The following TRIT1 variants were observed in gnomAD, a reference collection of about 807,000 sequenced individuals.
TRIT1 encodes tRNA isopentenyltransferase 1.
In TRIT1, 43 loss-of-function variants were observed where a neutral mutation model predicts 51.2. The ratio of observed to expected loss-of-function variants is 0.84; its 90% confidence interval spans 0.66 to 1.08. TRIT1 has a LOEUF of 1.08. TRIT1 is among the 50% of genes least tolerant of loss of function. The pLI, the probability that TRIT1 is intolerant of heterozygous loss-of-function variation, is 0.00. For missense variants in TRIT1, 528 were observed against 578.4 expected (o/e 0.91, Z 0.89); for synonymous variants, 184 against 203.9 (o/e 0.90, Z 0.83).
intron 1 of TRIT1, among the ~76,000 whole-genome samples, chr1:39,874,633 AT>A (rs1643987764): frequency 6.6e-6 from 1 of 151,698 alleles, no homozygotes; most frequent in African/African-American, 2.4e-5. Flanking sequence ...TTTCAGTATT[AT>A]TGGATTTTTT....
chr1:39,844,626 C>A lies in TRIT1; in HGVS notation c.1021G>T (p.Val341Phe). The A allele has an allele frequency of 6.2e-7, 1 of 1,613,176 alleles. No individual in the cohort carries two copies. The highest frequency in any genetic ancestry group is 1.1e-5 in the South Asian group (1 of 91,056). ...ACCTCTAAGCCATAGACAGGGGGGA[C>A]AATGGGACCAGGTCCTAATGATGAC... ...NRFLSRPGPI[V>F]PPVYGLEVSD... is the part of the protein sequence containing the mutation. Residue 341 changes from valine to phenylalanine, a missense_variant, in exon 9 of 11, where the codon GTC becomes TTC. Coordinates refer to ENST00000316891, the MANE Select transcript of TRIT1 (RefSeq NM_017646.6).
chr1:39,852,494 T>C (rs1470922300), intron 4 of TRIT1: 3 of 489,500 alleles, frequency 6.1e-6, no homozygotes, highest in Non-Finnish European at 1.1e-5. Flanking sequence ...ATATAGGCCC[T>C]AGGGGAAAAC....
At chr1:39,869,952 C>A (rs1187205842) in intron 1 of TRIT1, among the ~76,000 whole-genome samples, 6 of 151,938 alleles carry the variant, frequency 3.9e-5, no homozygotes, top group Admixed American at 3.9e-4. Context: ...CTCTGCCTGG[C>A]TGCCCCGTCT....
chr1:39,847,294 A>G lies in TRIT1; in HGVS notation c.932T>C (p.Ile311Thr), dbSNP rs1232585386. The G allele has an allele frequency of 1.9e-6, 3 of 1,613,462 alleles. No individual in the cohort carries two copies. The highest frequency in any genetic ancestry group is 2.7e-5 in the African/African-American group (2 of 74,906). Residue 311 changes from isoleucine (I) to threonine (T), a missense_variant, in exon 8 of 11, where the codon ATT (isoleucine) becomes ACT (threonine). By Grantham distance (89) the Ile-to-Thr change is moderately conservative (BLOSUM62 -1). Transcript: ENST00000316891. The stretch of plus-strand genomic sequence containing the variant: ...CTTAGTTACTTGTTTCAGAGCCTCA[A>G]TACCTGAAAGATACAGTAGATTTAA... ...ETSNQLLKKG[I>T]EALKQVTKRY...
rs1031010104 is a variant in TRIT1 at position 39,844,559 on chromosome 1, G to C, written c.1088C>G (p.Ala363Gly). The change falls in exon 9 of 11, where the codon GCT becomes GGT. Residue 363 changes from alanine to glycine, a missense_variant. This residue lies in a region of TRIT1 where 468 missense variants were observed against 522.6 expected (regional missense o/e 0.90). Coordinates refer to ENST00000316891, the MANE Select transcript of TRIT1 (RefSeq NM_017646.6). ...GATGAAACTTTGCACGATTTCAAGA[G>C]CAGGTTCAAGAACAGACTCTTCCCA... ...SKWEESVLEP[A>G]LEIVQSFIQG... The C allele has an allele frequency of 6.2e-7, 1 of 1,613,766 alleles. No homozygotes were observed. The highest frequency in any genetic ancestry group is 1.3e-5 in the African/African-American group (1 of 74,918).
intron 4 of TRIT1, 99 bp downstream of exon 4, chr1:39,852,632 C>T (rs973000558): frequency 2.1e-6 from 3 of 1,436,526 alleles, no homozygotes; most frequent in Admixed American, 2.1e-5. Flanking sequence ...TCTCCACTAA[C>T]TGCTATTACC....
rs768002357 is a variant in TRIT1, at chr1:39,841,909, G to A, written c.1239C>T (p.His413=). Residue 413 remains histidine (H), a synonymous_variant, in exon 11 of 11, where the codon CAC becomes CAT. Coordinates refer to ENST00000316891, the MANE Select transcript of TRIT1 (RefSeq NM_017646.6). ...IIIGDREWAA[H]IKSKSHLNQL... The stretch of plus-strand genomic sequence containing the variant: ...GGTTCAAGTGGGATTTGGATTTTAT[G>A]TGCGCTGATAAGACAAAATCAAACC... The A allele has an allele frequency of 6.2e-7, 1 of 1,611,532 alleles. No homozygotes were observed. Among genetic ancestry groups the A allele is most frequent in the Non-Finnish European group, 8.5e-7 (1 of 1,179,212 alleles).
chr1:39,881,436 T>G (rs1644263530), intron 1 of TRIT1: 1 of 152,244 alleles, frequency 6.6e-6, no homozygotes, highest in South Asian at 2.1e-4. Flanking sequence ...CCTTACACAC[T>G]GCCTTCATCA....
intron 1 of TRIT1, among the ~76,000 whole-genome samples, chr1:39,874,350 CA>C (rs1404581801): frequency 2.0e-5 from 3 of 152,100 alleles, no homozygotes; most frequent in Non-Finnish European, 4.4e-5. Context: ...TTATTAGAAC[CA>C]AAAATGTCTC....
chr1:39,847,948 A>G (rs765554362), intron 6 of TRIT1, 38 bp downstream of exon 6: 8 of 1,575,700 alleles, frequency 5.1e-6, no homozygotes, highest in Non-Finnish European at 7.0e-6. Context: ...TGTCTGCAAA[A>G]TATGGACAGT....
Position 39,852,152 on chromosome 1 carries a change from T to C in TRIT1, c.560+579A>G, listed in dbSNP as rs115505723. On this transcript the variant is annotated intron_variant, in intron 4 of 10. Coordinates refer to ENST00000316891, the MANE Select transcript of TRIT1 (RefSeq NM_017646.6). ...ATAGAACAGGTCCTTCATTAGATGT[T>C]CTACTATGCTGGAAGTGGTATCACT... Among the ~76,000 whole-genome samples, 429 of 152,246 alleles carry C rather than the reference T, an allele frequency of 2.8e-3. 1 individual carries two copies. The highest frequency in any genetic ancestry group is 0.01 in the African/African-American group (417 of 41,536).
At chr1:39,871,426 A>G (rs1643880682) in intron 1 of TRIT1, among the ~76,000 whole-genome samples, 1 of 152,262 alleles carries the variant, frequency 6.6e-6, no homozygotes, top group East Asian at 1.9e-4. Flanking sequence ...CAAAAAATAC[A>G]AAAATGAGCC....
At chr1:39,849,644 C>T (rs1642443283) in intron 5 of TRIT1, among the ~76,000 whole-genome samples, 1 of 152,222 alleles carries the variant, frequency 6.6e-6, no homozygotes, top group African/African-American at 2.4e-5. Flanking sequence ...ACACAGAATA[C>T]CCAGCACTTC....
chr1:39,869,330 C>G (rs1318764282), intron 1 of TRIT1, among the ~76,000 whole-genome samples: 1 of 152,226 alleles, frequency 6.6e-6, no homozygotes, highest in Non-Finnish European at 1.5e-5. Flanking sequence ...GTCTCCAGCT[C>G]CTAACCGCGA....
chr1:39,838,879 G>A lies in TRIT1; in HGVS notation c.*2865C>T, dbSNP rs1652473286. 6.8e-6 allele frequency among the ~76,000 whole-genome samples: 1 copy of A among 146,076 alleles called. No individual in the cohort carries two copies. Among genetic ancestry groups the A allele is most frequent in the South Asian group, 2.2e-4 (1 of 4,548 alleles). ...CCTCTTTGGAACTAAAGAGAGCTAA[G>A]AGAGGACAAAAAATTACTGAGAGTT... On this transcript the variant is annotated 3_prime_UTR_variant, in exon 11 of 11. Transcript: ENST00000316891.
chr1:39,850,027 G>C lies in TRIT1; in HGVS notation c.703+92C>G, dbSNP rs570662201. On this transcript the variant is annotated intron_variant, in intron 5 of 10. Transcript: ENST00000316891. ...CTAATACTTGTTTAGTGTTTATTAT[G>C]AGCCACCCATGGTTCTCAGCATTTT... 1.0e-3 allele frequency: 1,389 copies of C among 1,376,844 alleles called. 5 individuals carry two copies. Among genetic ancestry groups the C allele is most frequent in the Non-Finnish European group, 5.2e-4 (513 of 994,732 alleles). 85.3% of individuals were successfully genotyped at this position (1,376,844 alleles called of 1,614,324 possible). A position where few individuals can be genotyped will look rare whatever the true frequency, so the allele number is the denominator to read the frequency against.
chr1:39,858,909 A>G lies in TRIT1; in HGVS notation c.175-1492T>C, dbSNP rs541548430. Among the ~76,000 whole-genome samples the G allele has an allele frequency of 9.0e-4, 137 of 152,256 alleles. 1 individual carries two copies. The highest frequency in any genetic ancestry group is 3.2e-3 in the African/African-American group (131 of 41,552). ...GAACAAGACTTCCTTCTAATGTTAT[A>G]CAAGGTCATATGGTTATTATACACT... On this transcript the variant is annotated intron_variant, in intron 1 of 10. Coordinates refer to ENST00000316891, the MANE Select transcript of TRIT1 (RefSeq NM_017646.6).
chr1:39,877,524 T>A (rs1194800239), intron 1 of TRIT1, among the ~76,000 whole-genome samples: 1 of 152,074 alleles, frequency 6.6e-6, no homozygotes, highest in Non-Finnish European at 1.5e-5. Context: ...AACTGAGGCA[T>A]TAGAGACACT....
intron 3 of TRIT1, among the ~76,000 whole-genome samples, chr1:39,853,218 G>A (rs1023675213): frequency 3.3e-5 from 5 of 152,148 alleles, no homozygotes; most frequent in Admixed American, 3.3e-4. Flanking sequence ...GTGAATTACA[G>A]TTTACACAGT....
Sources: gnomAD v4.1 joint callset for allele counts (sites outside exome capture counted in the v4.1 genomes callset) on GRCh38, gnomAD v4.1.1 for gene constraint, gnomAD v4.1.1 regional missense constraint, MANE v1.5 for transcripts, NCBI Gene and HGNC (gene_info 2026-07-23, HGNC 2026-07-21) for gene names.